BBX: variants seen among roughly 807,000 people sequenced by gnomAD.
BBX encodes the protein BBX high mobility group box domain containing, also known as HMG box transcription factor BBX.
A neutral mutation model predicts 100.2 loss-of-function variants in BBX; 30 were observed. The ratio of observed to expected loss-of-function variants is 0.30; its 90% CI spans 0.22 to 0.41. BBX has a LOEUF of 0.41. BBX is among the 10% of genes least tolerant of loss of function. The pLI is 1.00. For missense variants in BBX, 1,023 were observed against 1,129.8 expected (o/e 0.91, Z 1.35); for synonymous variants, 376 against 388.1 (o/e 0.97, Z 0.37).
At chr3:107,547,784 C>T (rs1282484804) in intron 2 of BBX, among the ~76,000 whole-genome samples, 1 of 151,914 alleles carries the variant, frequency 6.6e-6, no homozygotes, top group Non-Finnish European at 1.5e-5. Flanking sequence ...TCCCCTTCTT[C>T]TTTCCCTTCT....
At chr3:107,727,692 A>G (rs532999131) in intron 5 of BBX, among the ~76,000 whole-genome samples, 2 of 152,306 alleles carry the variant, frequency 1.3e-5, no homozygotes, top group African/African-American at 2.4e-5. Flanking sequence ...TTAAAGGGAA[A>G]TGATAGAAAA....
At chr3:107,685,857 TTG>T (rs1291538306) in intron 3 of BBX, among the ~76,000 whole-genome samples, 18 of 152,328 alleles carry the variant, frequency 1.2e-4, no homozygotes, top group African/African-American at 4.3e-4. Flanking sequence ...ATTCTTTCCT[TTG>T]AGAATAGCAA....
chr3:107,529,801 A>G (rs539428313), intron 2 of BBX, among the ~76,000 whole-genome samples: 105 of 152,072 alleles, frequency 6.9e-4, no homozygotes, highest in African/African-American at 2.4e-3. Context: ...GAAAATCCTC[A>G]TGTATTAATG....
intron 9 of BBX, among the ~76,000 whole-genome samples, chr3:107,749,309 C>T (rs1576622989): frequency 6.6e-6 from 1 of 152,084 alleles, no homozygotes; most frequent in African/African-American, 2.4e-5. Flanking sequence ...GTTGTTGATG[C>T]CCATTGATTC....
At chr3:107,608,103 C>T (rs999085726) in intron 2 of BBX, among the ~76,000 whole-genome samples, 3 of 152,008 alleles carry the variant, frequency 2.0e-5, no homozygotes, top group African/African-American at 2.4e-5. Context: ...TGGTTGCCTG[C>T]GCTTGTGGGG....
intron 3 of BBX, among the ~76,000 whole-genome samples, chr3:107,665,529 A>G (rs552349873): frequency 6.6e-6 from 1 of 152,254 alleles, no homozygotes; most frequent in East Asian, 1.9e-4. Context: ...GTGTCACAGC[A>G]ACCTGCCAGT....
At chr3:107,742,209 G>A (rs780887405) in intron 7 of BBX, among the ~76,000 whole-genome samples, 1 of 152,042 alleles carries the variant, frequency 6.6e-6, no homozygotes, top group Non-Finnish European at 1.5e-5. Context: ...ACAGACTCTA[G>A]TGCTTTATGA....
intron 3 of BBX, among the ~76,000 whole-genome samples, chr3:107,669,295 C>A (rs368301848): frequency 7.0e-6 from 1 of 142,822 alleles, no homozygotes; most frequent in African/African-American, 2.5e-5. Context: ...TGACTTGCAT[C>A]AAGAGGAAGA....
intron 2 of BBX, among the ~76,000 whole-genome samples, chr3:107,563,738 A>G (rs1247358258): frequency 6.6e-6 from 1 of 152,226 alleles, no homozygotes; most frequent in African/African-American, 2.4e-5. Flanking sequence ...CTCTCTAGAA[A>G]GGATGCTTCA....
intron 2 of BBX, among the ~76,000 whole-genome samples, chr3:107,547,946 C>T (rs1225705059): frequency 6.6e-6 from 1 of 152,172 alleles, no homozygotes; most frequent in Non-Finnish European, 1.5e-5. Context: ...CACCTAGATT[C>T]TAATTGCTGA....
intron 10 of BBX, among the ~76,000 whole-genome samples, chr3:107,770,349 T>A (rs1455436905): frequency 6.6e-6 from 1 of 152,218 alleles, no homozygotes; most frequent in East Asian, 1.9e-4. Flanking sequence ...AGAGTGACAG[T>A]GGCTGAAAAA....
intron 2 of BBX, among the ~76,000 whole-genome samples, chr3:107,609,960 A>G (rs1692511581): frequency 1.3e-5 from 2 of 151,856 alleles, no homozygotes; most frequent in South Asian, 2.1e-4. Context: ...ATCAACATAT[A>G]GTTTATTTGA....
At chr3:107,749,830 C>T (rs1156338159) in intron 9 of BBX, among the ~76,000 whole-genome samples, 2 of 152,070 alleles carry the variant, frequency 1.3e-5, no homozygotes, top group Non-Finnish European at 2.9e-5. Flanking sequence ...GACGGGATTT[C>T]GCCATGTTGG....
At chr3:107,636,539 G>A (rs1470165128) in intron 2 of BBX, among the ~76,000 whole-genome samples, 1 of 152,178 alleles carries the variant, frequency 6.6e-6, no homozygotes, top group Non-Finnish European at 1.5e-5. Context: ...CTTATTAGCA[G>A]TATTAAGAAC....
At chr3:107,718,601 G>A (rs2062289739) in intron 5 of BBX, among the ~76,000 whole-genome samples, 1 of 151,898 alleles carries the variant, frequency 6.6e-6, no homozygotes, top group South Asian at 2.1e-4. Flanking sequence ...TTAGATTGCT[G>A]TTTTTGGATA....
intron 2 of BBX, among the ~76,000 whole-genome samples, chr3:107,528,400 T>C (rs1455846073): frequency 6.6e-6 from 1 of 152,182 alleles, no homozygotes; most frequent in Non-Finnish European, 1.5e-5. Flanking sequence ...GTGTTACCTC[T>C]TTGGAGGTAC....
chr3:107,769,118 T>C (rs966015975), intron 10 of BBX, among the ~76,000 whole-genome samples: 1 of 151,482 alleles, frequency 6.6e-6, no homozygotes, highest in African/African-American at 2.4e-5. Context: ...CCATGAGCTA[T>C]GATCATGCCA....
At chr3:107,738,715 C>T (rs558809359) in intron 7 of BBX, among the ~76,000 whole-genome samples, 10 of 152,288 alleles carry the variant, frequency 6.6e-5, no homozygotes, top group African/African-American at 2.4e-4. Context: ...TCTCCTGTGT[C>T]CTGTGTCCTG....
intron 2 of BBX, among the ~76,000 whole-genome samples, chr3:107,527,536 A>C (rs2047866811): frequency 6.6e-6 from 1 of 152,242 alleles, no homozygotes; most frequent in Non-Finnish European, 1.5e-5. Context: ...TTTGGTAACA[A>C]AATATACTTT....
Sources: allele counts gnomAD v4.1 joint callset (sites outside exome capture counted in the v4.1 genomes callset), GRCh38; gene constraint gnomAD v4.1.1; transcripts MANE v1.5; gene names NCBI Gene and HGNC (gene_info 2026-07-23, HGNC 2026-07-21).